Variants in SACM1L observed in about 807,000 individuals in gnomAD.
SACM1L encodes the protein SAC1 like phosphatidylinositide phosphatase, also known as phosphatidylinositol-3-phosphatase SAC1.
SACM1L carries 32 observed loss-of-function variants against 89.5 expected under a neutral mutation model. The ratio of observed to expected loss-of-function variants is 0.36; its 90% CI spans 0.27 to 0.48. SACM1L has a LOEUF of 0.48. Ranked by LOEUF, SACM1L falls within the 20% of genes least tolerant of loss-of-function variation. The pLI, the probability that SACM1L is intolerant of heterozygous loss-of-function variation, is 0.99. For synonymous variants in SACM1L, 213 were observed against 232.8 expected (o/e 0.92, Z 0.77); for missense variants, 543 against 708.5 (o/e 0.77, Z 2.65).
At chr3:45,704,405 T>C (rs1045176029) in intron 2 of SACM1L, among the ~76,000 whole-genome samples, 1 of 152,156 alleles carries the variant, frequency 6.6e-6, no homozygotes, top group Non-Finnish European at 1.5e-5. Context: ...ATGTGGTAAT[T>C]CTGGTAGGTA....
intron 7 of SACM1L, among the ~76,000 whole-genome samples, chr3:45,718,735 A>C (rs932286060): frequency 1.1e-4 from 17 of 152,278 alleles, no homozygotes; most frequent in African/African-American, 3.9e-4. Flanking sequence ...TTAATGTAAG[A>C]GGTATGCCAA....
intron 1 of SACM1L, among the ~76,000 whole-genome samples, chr3:45,692,793 T>C (rs1261912414): frequency 6.6e-6 from 1 of 152,236 alleles, no homozygotes; most frequent in African/African-American, 2.4e-5. Flanking sequence ...TCTCTTAGGA[T>C]CAGTTTACAG....
intron 6 of SACM1L, 98 bp from the exon 7 acceptor site, chr3:45,713,945 CTTG>C (rs1698581431): frequency 1.8e-6 from 1 of 550,832 alleles, no homozygotes; most frequent in East Asian, 3.4e-5. Context: ...AGTTTACTAC[CTTG>C]TTATGTTTGT....
intron 4 of SACM1L, among the ~76,000 whole-genome samples, chr3:45,707,988 C>T (rs1280243913): frequency 6.6e-6 from 1 of 151,690 alleles, no homozygotes; most frequent in Non-Finnish European, 1.5e-5. Context: ...TTCATTTATG[C>T]TTATAATTTA....
At chr3:45,731,442 T>C in intron 12 of SACM1L, 62 bp downstream of exon 12, 1 of 1,083,488 alleles carries the variant, frequency 9.2e-7, no homozygotes, top group South Asian at 1.3e-5. Flanking sequence ...CATATATGCA[T>C]GATTACATAG....
intron 11 of SACM1L, 42 bp downstream of exon 11, chr3:45,723,585 C>A: frequency 9.0e-7 from 1 of 1,112,542 alleles, no homozygotes; most frequent in South Asian, 2.0e-5. Context: ...AAAGCCTTAA[C>A]TTTTTCTTGA....
At chr3:45,729,680 A>G (rs1170358419) in intron 11 of SACM1L, among the ~76,000 whole-genome samples, 1 of 152,138 alleles carries the variant, frequency 6.6e-6, no homozygotes, top group Non-Finnish European at 1.5e-5. Context: ...TCCCATTGAG[A>G]ATCTCTTGTG....
Position 45,723,948 on chromosome 3 carries a change from A to G in SACM1L, c.921+405A>G, listed in dbSNP as rs569593138. ...TTCCATTGTGTATGTGTATGCATAT[A>G]TGCACACACACACACAGACACACAC... On this transcript the variant is annotated intron_variant, in intron 11 of 19. Coordinates refer to ENST00000389061, the MANE Select transcript of SACM1L (RefSeq NM_014016.5). 3.6e-4 allele frequency among the ~76,000 whole-genome samples: 45 copies of G among 124,484 alleles called. No homozygotes were observed. The South Asian group carries it at 0.011, about 30-fold the overall frequency. 81.7% of individuals were successfully genotyped at this position (124,484 alleles called of 152,430 possible). A position where few individuals can be genotyped will look rare whatever the true frequency, so the allele number is the denominator to read the frequency against.
intron 11 of SACM1L, among the ~76,000 whole-genome samples, chr3:45,729,592 T>G (rs940082631): frequency 2.0e-5 from 3 of 152,224 alleles, no homozygotes; most frequent in African/African-American, 7.2e-5. Context: ...TTGACAGTTT[T>G]TTCTTCTTCC....
At chr3:45,732,831 A>G (rs569123272) in intron 13 of SACM1L, among the ~76,000 whole-genome samples, 8 of 152,212 alleles carry the variant, frequency 5.3e-5, no homozygotes, top group Admixed American at 4.6e-4. Context: ...TCGTACTACC[A>G]TTTTCTTCTG....
intron 12 of SACM1L, among the ~76,000 whole-genome samples, chr3:45,731,780 C>T (rs568533244): frequency 1.2e-3 from 188 of 152,240 alleles, no homozygotes; most frequent in Admixed American, 1.8e-3. Flanking sequence ...CCAGAAGAAC[C>T]TGTGAGGATA....
intron 1 of SACM1L, among the ~76,000 whole-genome samples, chr3:45,693,062 TC>T (rs1392088433): frequency 1.3e-5 from 2 of 152,182 alleles, no homozygotes; most frequent in African/African-American, 2.4e-5. Context: ...AGCCAGTTGT[TC>T]CTAGGCTACA....
At chr3:45,714,174 G>A (rs1698589200) in intron 7 of SACM1L, 95 bp downstream of exon 7, 1 of 615,232 alleles carries the variant, frequency 1.6e-6, no homozygotes, top group African/African-American at 1.9e-5. Flanking sequence ...TACTCCATAA[G>A]GAGAGTATTT....
chr3:45,713,572 T>G (rs762806943), intron 6 of SACM1L: 1 of 174,420 alleles, frequency 5.7e-6, no homozygotes, highest in African/African-American at 2.4e-5. Flanking sequence ...AGGAGAGACA[T>G]GCACAGGCAC....
chr3:45,689,714 G>A, intron 1 of SACM1L: 1 of 624,292 alleles, frequency 1.6e-6, no homozygotes, highest in South Asian at 1.9e-5. Flanking sequence ...CACCGTGCTC[G>A]GCCCCAGCGC....
intron 11 of SACM1L, among the ~76,000 whole-genome samples, chr3:45,725,508 A>G (rs922290542): frequency 2.6e-5 from 4 of 151,872 alleles, no homozygotes; most frequent in African/African-American, 2.4e-5. Context: ...TGGATATTTC[A>G]TTGTTAGTAT....
chr3:45,727,919 G>T (rs1030212653), intron 11 of SACM1L, among the ~76,000 whole-genome samples: 5 of 152,124 alleles, frequency 3.3e-5, no homozygotes, highest in Non-Finnish European at 2.9e-5. Flanking sequence ...ATAATTTTCT[G>T]TTTCTCCCTT....
chr3:45,703,367 T>C, intron 1 of SACM1L, 71 bp from the exon 2 acceptor site: 1 of 1,003,892 alleles, frequency 1.0e-6, no homozygotes. Flanking sequence ...TCTGTAATTG[T>C]CATAATAAGT....
At chr3:45,696,102 A>G (rs1253308872) in intron 1 of SACM1L, among the ~76,000 whole-genome samples, 2 of 151,508 alleles carry the variant, frequency 1.3e-5, no homozygotes, top group Admixed American at 6.6e-5. Context: ...GGTTCAAGCA[A>G]TTCTCCTGCC....
Sources: allele counts gnomAD v4.1 joint callset (sites outside exome capture counted in the v4.1 genomes callset), GRCh38; gene constraint gnomAD v4.1.1; transcripts MANE v1.5; gene names NCBI Gene and HGNC (gene_info 2026-07-23, HGNC 2026-07-21).